The following NRAP variants were observed in gnomAD, a reference collection of about 807,000 sequenced individuals.
NRAP encodes nebulin related anchoring protein, also known as nebulin-related-anchoring protein.
Under a neutral mutation model 225.9 loss-of-function variants are expected in NRAP, and 189 were observed. The observed-to-expected ratio is 0.84, with a 90% confidence interval of 0.74 to 0.94. The LOEUF (loss-of-function observed/expected upper bound fraction) is 0.94, where lower values mean the gene tolerates loss of function less well. Among genes scored for constraint, NRAP ranks in the 40% least tolerant of loss-of-function variants. NRAP has a pLI of 0.00. For synonymous variants in NRAP, 769 were observed against 790.7 expected, an observed-to-expected ratio of 0.97 and a Z score of 0.46; for missense variants, 2,176 against 2,168.7, an observed-to-expected ratio of 1.00 and a Z score of -0.07.
chr10:113,650,058 T>G lies in NRAP; in HGVS notation c.867A>C (p.Glu289Asp), dbSNP rs1423030964. The G allele has an allele frequency of 6.2e-7, 1 of 1,606,190 alleles. No homozygotes were observed. The highest frequency in any genetic ancestry group is 1.7e-5 in the Admixed American group (1 of 60,000). ...AIGAEGILTRECADQYGQGYP... is the reference protein window; with the variant it reads ...AIGAEGILTRDCADQYGQGYP... ...ATACCTGGCCATATTGGTCTGCACA[T>G]TCCCTTGTCAAGATGCCCTCAGCTC... The change falls in exon 9 of 42, where the codon GAA becomes GAC. Residue 289 changes from glutamate to aspartate, a missense_variant. Glu to Asp is a conservative substitution (Grantham distance 45). Around this residue, in one of 3 missense-constraint regions of NRAP, gnomAD observed 1,708 missense variants for 1,695.5 expected, o/e 1.01. Coordinates refer to ENST00000359988, the MANE Select transcript of NRAP (RefSeq NM_198060.4).
intron 3 of NRAP, among the ~76,000 whole-genome samples, chr10:113,658,274 T>A (rs1199340016): frequency 6.6e-6 from 1 of 152,156 alleles, no homozygotes; most frequent in African/African-American, 2.4e-5. Context: ...ATAGAGTAAG[T>A]CTTGAAATCT....
chr10:113,618,881 G>C (rs1227708029), intron 25 of NRAP, among the ~76,000 whole-genome samples: 1 of 152,172 alleles, frequency 6.6e-6, no homozygotes. Flanking sequence ...AGGAGGCGGA[G>C]GTTGCAGTAA....
At chr10:113,620,787 AAC>A in intron 24 of NRAP, 79 bp from the exon 25 acceptor site, 1 of 978,488 alleles carries the variant, frequency 1.0e-6, no homozygotes. Flanking sequence ...AGCGGCTCCC[AAC>A]ACAGCCTTGG....
intron 22 of NRAP, 61 bp from the exon 23 acceptor site, chr10:113,623,697 G>C: frequency 9.5e-7 from 1 of 1,048,184 alleles, no homozygotes; most frequent in South Asian, 1.3e-5. Context: ...TCACGTGAGA[G>C]CATTTCTCTA....
chr10:113,604,243 A>G (rs1846787086), intron 35 of NRAP, among the ~76,000 whole-genome samples: 1 of 152,024 alleles, frequency 6.6e-6, no homozygotes, highest in Admixed American at 6.6e-5. Context: ...CAGCCTCCCA[A>G]ATAGCTGGGA....
chr10:113,659,705 C>T (rs1391134453), intron 3 of NRAP, among the ~76,000 whole-genome samples: 2 of 152,224 alleles, frequency 1.3e-5, no homozygotes, highest in African/African-American at 2.4e-5. Context: ...CCATTCACAC[C>T]TACCAAACAG....
rs1490091908 is a variant in NRAP at position 113,595,627 on chromosome 10, C to T, written c.4532G>A (p.Ser1511Asn). The T allele has an allele frequency of 3.2e-5, 51 of 1,603,146 alleles. No individual in the cohort carries two copies. Among genetic ancestry groups the T allele is most frequent in the Non-Finnish European group, 4.3e-5 (50 of 1,170,016 alleles). The change falls in exon 38 of 42, where the codon AGT becomes AAT. Residue 1511 changes from serine to asparagine, a missense_variant. Transcript: ENST00000359988. ...ATGAACCACCAGTTCACTTACGTCACTCAGATGCAGCGCATTGAGGCGAGC... is the reference window on the plus strand; with the variant it reads ...ATGAACCACCAGTTCACTTACGTCATTCAGATGCAGCGCATTGAGGCGAGC... ...TRARLNALHL[S>N]DKVYRNSWEQ...
chr10:113,647,497 G>T (rs112014020), intron 9 of NRAP, among the ~76,000 whole-genome samples: 74 of 121,454 alleles, frequency 6.1e-4, no homozygotes, highest in East Asian at 1.4e-3. Flanking sequence ...CGGTGGTACT[G>T]CCTCCCCAAG....
chr10:113,604,577 G>A (rs1846816130), intron 35 of NRAP, 32 bp downstream of exon 35: 2 of 1,588,784 alleles, frequency 1.3e-6, no homozygotes, highest in East Asian at 2.2e-5. Flanking sequence ...AAAGGCTGGG[G>A]GCTGGTTTGC....
intron 3 of NRAP, among the ~76,000 whole-genome samples, chr10:113,660,518 G>A (rs975156327): frequency 9.2e-5 from 14 of 152,130 alleles, no homozygotes; most frequent in Admixed American, 6.5e-4. Flanking sequence ...CTCCAGGTTG[G>A]GCCTGTCATA....
chr10:113,645,931 C>A lies in NRAP; in HGVS notation c.1004G>T (p.Arg335Met). Reference protein sequence around the residue: ...AHELASDIKYRQDFNKMKGAA... With the variant: ...AHELASDIKYMQDFNKMKGAA... ...GCCTTTCATCTTATTGAAGTCCTGCCTGTATTTTATCTGAAAAAAAAAACA... is the reference window on the plus strand; with the variant it reads ...GCCTTTCATCTTATTGAAGTCCTGCATGTATTTTATCTGAAAAAAAAAACA... The change falls in exon 11 of 42, where the codon AGG (arginine) becomes ATG (methionine). Residue 335 changes from arginine to methionine, a missense_variant. Physicochemically the swap from Arg to Met is moderately conservative, Grantham distance 91. Coordinates refer to ENST00000359988, the MANE Select transcript of NRAP (RefSeq NM_198060.4). 6.5e-7 allele frequency: 1 copy of A among 1,541,848 alleles called. No homozygotes were observed. The highest frequency in any genetic ancestry group is 8.8e-7 in the Non-Finnish European group (1 of 1,139,386).
intron 17 of NRAP, 93 bp downstream of exon 17, chr10:113,631,764 A>C: frequency 1.1e-6 from 1 of 919,534 alleles, no homozygotes; most frequent in South Asian, 1.4e-5. Flanking sequence ...CGATGTTTAC[A>C]ATGTTAAGAG....
intron 9 of NRAP, among the ~76,000 whole-genome samples, chr10:113,649,135 C>A (rs979190560): frequency 5.9e-5 from 9 of 152,194 alleles, no homozygotes; most frequent in African/African-American, 2.2e-4. Context: ...CAAAACCAAG[C>A]ATTTTTGCTC....
rs768423519 is a variant in NRAP, at chr10:113,620,628, C to T, written c.2850G>A (p.Lys950=). The change falls in exon 25 of 42, where the codon AAG becomes AAA. Residue 950 remains lysine (K), a synonymous_variant. Transcript: ENST00000359988. ...ATGSLNVEQA[K]KAGELISEKK... is the part of the protein sequence containing the mutation. ...CCTCGCTAATGAGTTCTCCTGCCTT[C>T]TTCGCCTGCTCCACATTTAATGACC... The T allele has an allele frequency of 2.5e-6, 4 of 1,613,412 alleles. No individual in the cohort carries two copies. In the Admixed American group the frequency reaches 6.7e-5, roughly 27 times the overall value.
chr10:113,605,748 A>G lies in NRAP; in HGVS notation c.3915+14T>C, dbSNP rs568828851. On this transcript the variant is annotated intron_variant, in intron 34 of 41. Transcript: ENST00000359988. ...GAAATTAGGCAAGATGGAAGGTCAT[A>G]TCATTCAACTCACATCACTGGCTAT... 5.9e-6 allele frequency: 9 copies of G among 1,526,408 alleles called. No homozygotes were observed. In the East Asian group the frequency reaches 9.0e-5, roughly 15 times the overall value. The allele number at this position is 1,526,408 out of a possible 1,614,324, so 94.6% of individuals were successfully genotyped here.
chr10:113,650,010 A>G, intron 9 of NRAP, 27 bp downstream of exon 9: 3 of 1,261,776 alleles, frequency 2.4e-6, no homozygotes, highest in Non-Finnish European at 3.5e-6. Context: ...GGAAAAGAGC[A>G]GGTCAGGAGA....
chr10:113,590,862 C>A lies in NRAP; in HGVS notation c.4672G>T (p.Asp1558Tyr). Reference sequence around the variant, plus strand: ...CGGTACCCGATCTGCAGGCCTCGGTCCCGCAGGAAAGCCTCTTTGTACCGG... The same window carrying A: ...CGGTACCCGATCTGCAGGCCTCGGTACCGCAGGAAAGCCTCTTTGTACCGG... ...DFRYKEAFLRDRGLQIGYRSV... is the reference protein window; with the variant it reads ...DFRYKEAFLRYRGLQIGYRSV... The change falls in exon 40 of 42, where the codon GAC becomes TAC. Residue 1558 changes from aspartate to tyrosine, a missense_variant. This residue lies in a region of NRAP where 445 missense variants were observed against 426.1 expected (regional missense o/e 1.04). Transcript: ENST00000359988. 6.2e-7 allele frequency: 1 copy of A among 1,614,028 alleles called. No homozygotes were observed. The highest frequency in any genetic ancestry group is 1.1e-5 in the South Asian group (1 of 91,068).
At chr10:113,607,243 C>CAA (rs200489895) in intron 32 of NRAP, among the ~76,000 whole-genome samples, 13 of 144,722 alleles carry the variant, frequency 9.0e-5, no homozygotes, top group Non-Finnish European at 1.5e-4. Context: ...AAACAAAAAA[C>CAA]AAAAAAAAAT....
In NRAP at chr10:113,657,498, G is replaced by A. The variant is rs891822903; in HGVS notation, c.332C>T (p.Ala111Val). Residue 111 changes from alanine to valine, a missense_variant, in exon 4 of 42, where the codon GCA becomes GTA. Around this residue, in one of 3 missense-constraint regions of NRAP, gnomAD observed 1,708 missense variants for 1,695.5 expected, o/e 1.01. Coordinates refer to ENST00000359988, the MANE Select transcript of NRAP (RefSeq NM_198060.4). ...ATTTGCCAGTGGCTGCCTGTTAGGTGCACCTTCCTTATCCTTGGATTTCAT... is the reference window on the plus strand; with the variant it reads ...ATTTGCCAGTGGCTGCCTGTTAGGTACACCTTCCTTATCCTTGGATTTCAT... ...WDMKSKDKEG[A>V]PNRQPLANER... 1 of 1,603,276 alleles carries A rather than the reference G, an allele frequency of 6.2e-7. No homozygotes were observed. Among genetic ancestry groups the A allele is most frequent in the Admixed American group, 1.7e-5 (1 of 59,968 alleles).
Sources: gnomAD v4.1 joint callset for allele counts (sites outside exome capture counted in the v4.1 genomes callset) on GRCh38, gnomAD v4.1.1 for gene constraint, gnomAD v4.1.1 regional missense constraint, MANE v1.5 for transcripts, NCBI Gene and HGNC (gene_info 2026-07-23, HGNC 2026-07-21) for gene names.